The following INPP4A variants were observed in gnomAD, a reference collection of about 807,000 sequenced individuals.
INPP4A encodes the protein inositol polyphosphate-4-phosphatase type I A, also known as inositol polyphosphate-4-phosphatase, type I, 107kD.
A neutral mutation model predicts 119.8 loss-of-function variants in INPP4A; 33 were observed. That is an observed-to-expected ratio of 0.28 (90% CI 0.21 to 0.37). The LOEUF is 0.37. INPP4A is among the 10% of genes least tolerant of loss of function. INPP4A has a pLI of 1.00. For missense variants in INPP4A, 956 were observed against 1,289.9 expected (o/e 0.74, Z 3.97); for synonymous variants, 496 against 500.7 (o/e 0.99, Z 0.12).
At chr2:98,509,908 G>A (rs1476504332) in intron 1 of INPP4A, among the ~76,000 whole-genome samples, 1 of 152,210 alleles carries the variant, frequency 6.6e-6, no homozygotes, top group African/African-American at 2.4e-5. Context: ...AGGAGAAGCT[G>A]GGAACCAAGA....
chr2:98,587,373 T>C, intron 24 of INPP4A, 103 bp from the exon 25 acceptor site: 1 of 1,199,418 alleles, frequency 8.3e-7, no homozygotes, highest in Non-Finnish European at 1.1e-6. Context: ...AATTAATCTT[T>C]TTTTTAATGT....
At chr2:98,513,195 A>G (rs929787337) in intron 1 of INPP4A, among the ~76,000 whole-genome samples, 1 of 152,104 alleles carries the variant, frequency 6.6e-6, no homozygotes, top group Non-Finnish European at 1.5e-5. Flanking sequence ...GCCTCCCAGA[A>G]TCAGTCCTTC....
intron 13 of INPP4A, among the ~76,000 whole-genome samples, chr2:98,548,029 C>T (rs941098507): frequency 1.1e-4 from 16 of 152,026 alleles, no homozygotes; most frequent in Non-Finnish European, 2.4e-4. Flanking sequence ...GGAGTCAGGA[C>T]GTGATCTGAG....
intron 4 of INPP4A, among the ~76,000 whole-genome samples, chr2:98,527,729 CA>C (rs780726646): frequency 5.9e-4 from 90 of 152,190 alleles, no homozygotes; most frequent in Admixed American, 9.8e-4. Flanking sequence ...TTAGCTACAG[CA>C]AAGGTCTGTG....
At chr2:98,565,942 C>G (rs1031415312) in intron 20 of INPP4A, 87 bp from the exon 21 acceptor site, 3 of 1,520,570 alleles carry the variant, frequency 2.0e-6, no homozygotes, top group African/African-American at 2.8e-5. Flanking sequence ...TTGGCCATCA[C>G]TAAGCCAGAG....
chr2:98,467,107 A>G lies in INPP4A; in HGVS notation c.-166+22022A>G, dbSNP rs544815031. 1.1e-4 allele frequency among the ~76,000 whole-genome samples: 17 copies of G among 152,218 alleles called. No homozygotes were observed. The East Asian group carries it at 3.1e-3, about 28-fold the overall frequency. Reference sequence around the variant, plus strand: ...GGGAGCTGTCGTGTGCTGAGCTCACATGGCGAGAGAGGAAGGAAGGGAGCG... The same window carrying G: ...GGGAGCTGTCGTGTGCTGAGCTCACGTGGCGAGAGAGGAAGGAAGGGAGCG... On this transcript the variant is annotated intron_variant, in intron 1 of 24. Coordinates refer to ENST00000409851, the MANE Select transcript of INPP4A (RefSeq NM_001134225.2).
chr2:98,474,415 A>G (rs1213461286), intron 1 of INPP4A, among the ~76,000 whole-genome samples: 1 of 152,192 alleles, frequency 6.6e-6, no homozygotes. Flanking sequence ...TCTTCTCTAT[A>G]ATGTGGAATA....
intron 23 of INPP4A, 119 bp from the exon 24 acceptor site, chr2:98,576,870 G>C (rs1698505385): frequency 5.7e-6 from 7 of 1,234,846 alleles, no homozygotes; most frequent in Non-Finnish European, 7.9e-6. Flanking sequence ...GGCCAGGCCT[G>C]GGTGTTGAGT....
intron 1 of INPP4A, among the ~76,000 whole-genome samples, chr2:98,480,779 A>G (rs1678257598): frequency 6.6e-6 from 1 of 152,154 alleles, no homozygotes. Flanking sequence ...CAGACCGGAG[A>G]GCACTGAATC....
chr2:98,522,104 A>G (rs1484019186), intron 4 of INPP4A, among the ~76,000 whole-genome samples: 1 of 152,086 alleles, frequency 6.6e-6, no homozygotes, highest in Admixed American at 6.5e-5. Context: ...CCTGGCCAAC[A>G]TGGTGAAACC....
intron 1 of INPP4A, among the ~76,000 whole-genome samples, chr2:98,485,610 T>G (rs1679388287): frequency 6.6e-6 from 1 of 152,200 alleles, no homozygotes; most frequent in South Asian, 2.1e-4. Context: ...CTAATGCAAC[T>G]CTTCTGGTGG....
chr2:98,587,058 G>A (rs1700029024), intron 24 of INPP4A, among the ~76,000 whole-genome samples: 1 of 152,222 alleles, frequency 6.6e-6, no homozygotes, highest in Admixed American at 6.5e-5. Context: ...ATACAGAAAA[G>A]TCCGGCTCTT....
At chr2:98,490,255 C>T (rs1680426315) in intron 1 of INPP4A, among the ~76,000 whole-genome samples, 1 of 152,012 alleles carries the variant, frequency 6.6e-6, no homozygotes, top group African/African-American at 2.4e-5. Flanking sequence ...CAACAGCGAG[C>T]ATCCCAGAAA....
chr2:98,509,207 C>T (rs1169320395), intron 1 of INPP4A, among the ~76,000 whole-genome samples: 1 of 152,200 alleles, frequency 6.6e-6, no homozygotes, highest in East Asian at 1.9e-4. Flanking sequence ...TTTGTTAAAG[C>T]AGGAGTCCAC....
chr2:98,575,495 A>G (rs1698264246), intron 23 of INPP4A, among the ~76,000 whole-genome samples: 1 of 151,968 alleles, frequency 6.6e-6, no homozygotes, highest in South Asian at 2.1e-4. Flanking sequence ...TTTACTCTCC[A>G]TTAGCTTAGG....
chr2:98,479,684 T>C (rs1678007069), intron 1 of INPP4A, among the ~76,000 whole-genome samples: 2 of 152,204 alleles, frequency 1.3e-5, no homozygotes. Context: ...CCAGCTTTTC[T>C]GAAACAACTA....
At chr2:98,502,310 G>GGCTTGGAGGCTGTACCT (rs3835897) in intron 1 of INPP4A, among the ~76,000 whole-genome samples, 38,904 of 152,058 alleles carry the variant, frequency 0.26, 5,061 homozygotes, top group Middle Eastern at 0.3. Context: ...GGCTTGAGGT[G>GGCTTGGAGGCTGTACCT]GCTACATGTT....
chr2:98,445,580 C>T (rs1694051666), intron 1 of INPP4A, among the ~76,000 whole-genome samples: 1 of 152,248 alleles, frequency 6.6e-6, no homozygotes, highest in Non-Finnish European at 1.5e-5. Context: ...TTTTATTTCT[C>T]TCTGGCTTTG....
At chr2:98,481,386 G>A (rs975186323) in intron 1 of INPP4A, among the ~76,000 whole-genome samples, 3 of 152,142 alleles carry the variant, frequency 2.0e-5, no homozygotes, top group African/African-American at 4.8e-5. Context: ...CCCTTGGCAC[G>A]CATAAATCGA....
Sources: gnomAD v4.1 joint callset for allele counts (sites outside exome capture counted in the v4.1 genomes callset) on GRCh38, gnomAD v4.1.1 for gene constraint, MANE v1.5 for transcripts, NCBI Gene and HGNC (gene_info 2026-07-23, HGNC 2026-07-21) for gene names.